Variants in CSTPP1 observed in about 807,000 individuals in gnomAD.
The protein encoded by CSTPP1 is UPF0705 protein C11orf49.
the CSTPP1 span, among the ~76,000 whole-genome samples, chr11:46,938,025 C>T: frequency 1.3e-5 from 2 of 151,988 alleles, no homozygotes; most frequent in East Asian, 3.9e-4. Flanking sequence ...CAGGCATGCG[C>T]CACCACGCCA....
At chr11:47,000,666 G>C in the CSTPP1 span, among the ~76,000 whole-genome samples, 1 of 152,100 alleles carries the variant, frequency 6.6e-6, no homozygotes, top group Non-Finnish European at 1.5e-5. Flanking sequence ...TTACTTTTGG[G>C]CACCTACTCT....
the CSTPP1 span, chr11:47,137,338 A>G: frequency 7.1e-7 from 1 of 1,407,132 alleles, no homozygotes; most frequent in Non-Finnish European, 9.4e-7. Flanking sequence ...AAGGAAAACC[A>G]AACTAAAGAA....
the CSTPP1 span, among the ~76,000 whole-genome samples, chr11:47,141,957 A>C: frequency 6.8e-6 from 1 of 146,874 alleles, no homozygotes; most frequent in Non-Finnish European, 1.5e-5. Context: ...AAAAAAAAAA[A>C]ACCACGACCA....
At chr11:46,990,033 TA>T in the CSTPP1 span, among the ~76,000 whole-genome samples, 1 of 152,236 alleles carries the variant, frequency 6.6e-6, no homozygotes, top group Non-Finnish European at 1.5e-5. Context: ...ATATTTTCTT[TA>T]TCCAGTTCAC....
the CSTPP1 span, among the ~76,000 whole-genome samples, chr11:47,088,809 G>C: frequency 6.6e-6 from 1 of 152,122 alleles, no homozygotes; most frequent in Non-Finnish European, 1.5e-5. Flanking sequence ...GCCTCCCAAA[G>C]TGCTGAGATT....
the CSTPP1 span, among the ~76,000 whole-genome samples, chr11:46,955,347 G>GTT: frequency 7.0e-6 from 1 of 143,320 alleles, no homozygotes; most frequent in African/African-American, 2.6e-5. Flanking sequence ...CAGTAGTGTG[G>GTT]TTTTTTTTTT....
the CSTPP1 span, among the ~76,000 whole-genome samples, chr11:47,114,197 A>G: frequency 1.3e-5 from 2 of 152,060 alleles, no homozygotes; most frequent in Non-Finnish European, 2.9e-5. Context: ...GTTCTGTTCC[A>G]TTGGTCAATA....
the CSTPP1 span, chr11:47,161,589 A>G: frequency 6.2e-7 from 1 of 1,613,940 alleles, no homozygotes. Context: ...CGAAAAGTGG[A>G]TGGAGAGAGT....
chr11:47,162,597 T>C, the CSTPP1 span, among the ~76,000 whole-genome samples: 1 of 152,050 alleles, frequency 6.6e-6, no homozygotes, highest in African/African-American at 2.4e-5. Flanking sequence ...GATGCAGCTG[T>C]GAAAGACAGA....
chr11:46,958,185 A>C, the CSTPP1 span, among the ~76,000 whole-genome samples: 2 of 152,266 alleles, frequency 1.3e-5, no homozygotes, highest in Admixed American at 6.5e-5. Context: ...ATTATTGTAG[A>C]GATGGGATCT....
the CSTPP1 span, among the ~76,000 whole-genome samples, chr11:46,961,680 T>A: frequency 2.0e-5 from 3 of 152,246 alleles, no homozygotes; most frequent in Middle Eastern, 6.3e-3. Context: ...ACCTATTTTT[T>A]ATTCTAAGAG....
chr11:47,021,375 T>A, the CSTPP1 span, among the ~76,000 whole-genome samples: 1 of 152,166 alleles, frequency 6.6e-6, no homozygotes, highest in African/African-American at 2.4e-5. Flanking sequence ...CCTGCCTTAC[T>A]GAATGCTGAA....
chr11:47,068,815 A>C, the CSTPP1 span, among the ~76,000 whole-genome samples: 2 of 152,294 alleles, frequency 1.3e-5, no homozygotes, highest in East Asian at 1.9e-4. Context: ...GCTTGACAAC[A>C]TCTGTCTTCT....
the CSTPP1 span, among the ~76,000 whole-genome samples, chr11:47,040,583 G>A: frequency 1.6e-5 from 2 of 126,836 alleles, 1 homozygote; most frequent in Middle Eastern, 8.5e-3. Context: ...ATGCTGAACA[G>A]GAGAACTGCT....
At chr11:47,054,915 A>G in the CSTPP1 span, among the ~76,000 whole-genome samples, 1 of 150,308 alleles carries the variant, frequency 6.7e-6, no homozygotes, top group South Asian at 2.1e-4. Flanking sequence ...TAATAGCCAC[A>G]GAATAAATTT....
At chr11:47,161,523 T>G in the CSTPP1 span, 1 of 1,614,144 alleles carries the variant, frequency 6.2e-7, no homozygotes, top group African/African-American at 1.3e-5. Flanking sequence ...GCCAGTTGCC[T>G]GCCTTCCCGG....
chr11:47,081,262 T>G, the CSTPP1 span, among the ~76,000 whole-genome samples: 1 of 151,964 alleles, frequency 6.6e-6, no homozygotes, highest in South Asian at 2.1e-4. Context: ...ATTGTAAAGC[T>G]CATACAGAAA....
the CSTPP1 span, among the ~76,000 whole-genome samples, chr11:47,148,704 C>T: frequency 6.6e-6 from 1 of 152,180 alleles, no homozygotes; most frequent in Non-Finnish European, 1.5e-5. Context: ...TTACAGCCGG[C>T]GCTCATTCTG....
the CSTPP1 span, among the ~76,000 whole-genome samples, chr11:46,989,680 T>C: frequency 2.4e-3 from 367 of 152,338 alleles, 1 homozygote; most frequent in African/African-American, 8.0e-3. Flanking sequence ...AATATTCTTT[T>C]TCTTCCAACT....
Sources: gnomAD v4.1 joint callset for allele counts (sites outside exome capture counted in the v4.1 genomes callset) on GRCh38, gnomAD v4.1.1 for gene constraint, MANE v1.5 for transcripts, NCBI Gene and HGNC (gene_info 2026-07-23, HGNC 2026-07-21) for gene names.